Variants in PCDHGB6 observed in about 807,000 individuals in gnomAD.
PCDHGB6 encodes protocadherin gamma subfamily B, 6, also known as protocadherin gamma-B6.
Under a neutral mutation model 59.1 loss-of-function variants are expected in PCDHGB6, and 51 were observed. The ratio of observed to expected loss-of-function variants is 0.86; its 90% confidence interval spans 0.69 to 1.09. The LOEUF (loss-of-function observed/expected upper bound fraction) is 1.09, where lower values mean the gene tolerates loss of function less well. PCDHGB6 is among the 50% of genes least tolerant of loss of function. The pLI is 0.00. For missense variants in PCDHGB6, 1,148 were observed against 1,205.1 expected, an observed-to-expected ratio of 0.95 and a Z score of 0.70; for synonymous variants, 466 against 495.1, an observed-to-expected ratio of 0.94 and a Z score of 0.78.
Position 141,485,598 on chromosome 5 carries a change from T to C in PCDHGB6, c.2419-9209T>C, listed in dbSNP as rs931717579. 25 of 1,612,028 alleles carry C rather than the reference T, an allele frequency of 1.6e-5. No individual in the cohort carries two copies. Among genetic ancestry groups the C allele is most frequent in the African/African-American group, 2.7e-5 (2 of 74,838 alleles). ...CCGCGGCAGCAGCTGGACTTGGAAA[T>C]TGGGGAGGCAGCTCCTCCAGGACAG... On this transcript the variant is annotated intron_variant, in intron 1 of 3. Transcript: ENST00000520790. This position sits in a 1 kb window ranked among gnomAD's most constrained non-coding sequence, Gnocchi z 5.7.
In PCDHGB6 at chr5:141,490,803, C is replaced by A; in HGVS notation, c.2419-4004C>A. The A allele has an allele frequency of 6.2e-7, 1 of 1,613,956 alleles. No homozygotes were observed. Among genetic ancestry groups the A allele is most frequent in the South Asian group, 1.1e-5 (1 of 91,080 alleles). On this transcript the variant is annotated intron_variant, in intron 1 of 3. Transcript: ENST00000520790. The surrounding 1 kb of genome is among the most constrained non-coding windows in gnomAD (Gnocchi z 5.4). ...ATGGACGGATCTTTGCCCAGCGTAC[C>A]TTTGACTATGAATTGCTGCAGATGC...
At chr5:141,419,635 G>A in intron 1 of PCDHGB6, 1 of 1,612,480 alleles carries the variant, frequency 6.2e-7, no homozygotes, top group African/African-American at 1.3e-5. Flanking sequence ...CCAAGGTGGT[G>A]GCCGTGGACG....
chr5:141,490,288 G>A lies in PCDHGB6; in HGVS notation c.2419-4519G>A. On this transcript the variant is annotated intron_variant, in intron 1 of 3. Coordinates refer to ENST00000520790, the MANE Select transcript of PCDHGB6 (RefSeq NM_018926.3). The surrounding 1 kb of genome is among the most constrained non-coding windows in gnomAD (Gnocchi z 5.4). ...GGATGTCAATGACAATGCCCCAGAG[G>A]TGCTATTGGCCTCTTTGGCCAACCC... The A allele has an allele frequency of 3.7e-6, 6 of 1,614,198 alleles. No individual in the cohort carries two copies. The highest frequency in any genetic ancestry group is 5.1e-6 in the Non-Finnish European group (6 of 1,180,042).
rs1456184444 is a variant in PCDHGB6, at chr5:141,512,578, C to T, written c.*1405C>T. On this transcript the variant is annotated 3_prime_UTR_variant, in exon 4 of 4. Coordinates refer to ENST00000520790, the MANE Select transcript of PCDHGB6 (RefSeq NM_018926.3). ...ATAGACCTTCTTCTCCCACCCCCTT[C>T]TGCCCCTGGGTCCCCGGCCATCCAG... is the stretch of plus-strand genomic sequence containing the variant. 1 of 152,944 alleles carries T rather than the reference C, an allele frequency of 6.5e-6. No homozygotes were observed. The highest frequency in any genetic ancestry group is 1.5e-5 in the Non-Finnish European group (1 of 68,542). 9.5% of individuals were successfully genotyped at this position (152,944 alleles called of 1,614,324 possible). A position where few individuals can be genotyped will look rare whatever the true frequency, so the allele number is the denominator to read the frequency against.
chr5:141,493,140 C>T lies in PCDHGB6; in HGVS notation c.2419-1667C>T, dbSNP rs2099746336. Among the ~76,000 whole-genome samples, 1 of 146,374 alleles carries T rather than the reference C, an allele frequency of 6.8e-6. No homozygotes were observed. Among genetic ancestry groups the T allele is most frequent in the African/African-American group, 2.5e-5 (1 of 40,746 alleles). ...GCTCCTAGGACTGTATTTTGAAACACCCCCAGGTGATTTTGATAGCTGATT... is the reference window on the plus strand; with the variant it reads ...GCTCCTAGGACTGTATTTTGAAACATCCCCAGGTGATTTTGATAGCTGATT... On this transcript the variant is annotated intron_variant, in intron 1 of 3. Transcript: ENST00000520790. This position sits in a 1 kb window ranked among gnomAD's most constrained non-coding sequence, Gnocchi z 4.3.
chr5:141,431,921 G>A lies in PCDHGB6; in HGVS notation c.2418+21301G>A. The A allele has an allele frequency of 1.9e-6, 3 of 1,614,142 alleles. No homozygotes were observed. Among genetic ancestry groups the A allele is most frequent in the South Asian group, 2.2e-5 (2 of 91,084 alleles). On this transcript the variant is annotated intron_variant, in intron 1 of 3. Transcript: ENST00000520790. The surrounding 1 kb of genome is among the most constrained non-coding windows in gnomAD (Gnocchi z 4.8). ...CGGACAGGTGATCTGTTTCATCCAA[G>A]GAAATCTGCCCTTTAAATTAGAAAA...
At chr5:141,447,636 T>C (rs772671166) in intron 1 of PCDHGB6, among the ~76,000 whole-genome samples, 49 of 152,136 alleles carry the variant, frequency 3.2e-4, no homozygotes, top group Non-Finnish European at 5.3e-4. Context: ...ACAGTATGAA[T>C]GATGGTAGAA....
chr5:141,431,678 T>G lies in PCDHGB6; in HGVS notation c.2418+21058T>G. The G allele has an allele frequency of 6.2e-7, 1 of 1,614,084 alleles. No homozygotes were observed. Among genetic ancestry groups the G allele is most frequent in the Non-Finnish European group, 8.5e-7 (1 of 1,180,022 alleles). On this transcript the variant is annotated intron_variant, in intron 1 of 3. Transcript: ENST00000520790. This position sits in a 1 kb window ranked among gnomAD's most constrained non-coding sequence, Gnocchi z 4.8. ...AGGGACAATATCAACAATAGGGGAGTTGGACCACGAGGAGTCAGGATTCTA... is the reference window on the plus strand; with the variant it reads ...AGGGACAATATCAACAATAGGGGAGGTGGACCACGAGGAGTCAGGATTCTA...
chr5:141,420,229 C>A (rs1206296211), intron 1 of PCDHGB6: 1 of 1,600,344 alleles, frequency 6.2e-7, no homozygotes, highest in South Asian at 1.1e-5. Flanking sequence ...TACTGGCTAG[C>A]ATTTTAACTC....
chr5:141,421,562 A>G (rs1326874908), intron 1 of PCDHGB6: 1 of 1,613,992 alleles, frequency 6.2e-7, no homozygotes, highest in South Asian at 1.1e-5. Context: ...CTTCTCGTGG[A>G]AGACACCTTG....
At chr5:141,423,754 GGGGGGGT>G in intron 1 of PCDHGB6, 1 of 577,826 alleles carries the variant, frequency 1.7e-6, no homozygotes, top group Non-Finnish European at 2.2e-6. Flanking sequence ...ACTGTTTGGG[GGGGGGGT>G]GGGGCGGCAT....
intron 1 of PCDHGB6, chr5:141,415,791 C>CTTT: frequency 1.5e-6 from 2 of 1,341,938 alleles, no homozygotes; most frequent in Non-Finnish European, 1.9e-6. Flanking sequence ...GTAAAATTCA[C>CTTT]CTAGTCTCAA....
At chr5:141,464,657 T>G (rs575409062) in intron 1 of PCDHGB6, among the ~76,000 whole-genome samples, 1 of 152,312 alleles carries the variant, frequency 6.6e-6, no homozygotes, top group South Asian at 2.1e-4. Context: ...GGTAAAAAGA[T>G]ATCTCCAAAT....
chr5:141,419,999 C>T (rs369649545), intron 1 of PCDHGB6: 4 of 1,613,960 alleles, frequency 2.5e-6, no homozygotes, highest in Non-Finnish European at 3.4e-6. Flanking sequence ...TATTGCTCTA[C>T]GCCTGCGACA....
intron 1 of PCDHGB6, chr5:141,471,553 TG>T (rs1217142933): frequency 6.6e-6 from 1 of 152,224 alleles, no homozygotes; most frequent in African/African-American, 2.4e-5. Flanking sequence ...AAGGTTGCTT[TG>T]ACTCAGGGGT....
At chr5:141,471,215 A>G (rs1562030197) in intron 1 of PCDHGB6, 1 of 149,038 alleles carries the variant, frequency 6.7e-6, no homozygotes, top group Non-Finnish European at 1.5e-5. Context: ...ATGCCTGGCA[A>G]TTTTTTTGTA....
At chr5:141,433,181 G>T (rs199507607) in intron 1 of PCDHGB6, 45 of 1,607,620 alleles carry the variant, frequency 2.8e-5, no homozygotes, top group Non-Finnish European at 3.4e-5. Context: ...TGGGTTAATT[G>T]AGGTGAGTTT....
chr5:141,487,403 C>T lies in PCDHGB6; in HGVS notation c.2419-7404C>T. 1 of 1,614,140 alleles carries T rather than the reference C, an allele frequency of 6.2e-7. No homozygotes were observed. Among genetic ancestry groups the T allele is most frequent in the South Asian group, 1.1e-5 (1 of 91,082 alleles). ...CAGATCTCGAAGGAGGGAGGGGCTTCCCCCTTCCAATGGGATCCTCCGAAT... is the reference window on the plus strand; with the variant it reads ...CAGATCTCGAAGGAGGGAGGGGCTTTCCCCTTCCAATGGGATCCTCCGAAT... On this transcript the variant is annotated intron_variant, in intron 1 of 3. Coordinates refer to ENST00000520790, the MANE Select transcript of PCDHGB6 (RefSeq NM_018926.3). The surrounding 1 kb of genome is among the most constrained non-coding windows in gnomAD (Gnocchi z 5.0).
intron 1 of PCDHGB6, among the ~76,000 whole-genome samples, chr5:141,443,537 T>C (rs986467958): frequency 6.6e-6 from 1 of 152,180 alleles, no homozygotes; most frequent in African/African-American, 2.4e-5. Flanking sequence ...ATTTAAAGCT[T>C]GGGAAATTGT....
Sources: gnomAD v4.1 joint callset for allele counts (sites outside exome capture counted in the v4.1 genomes callset) on GRCh38, gnomAD v4.1.1 for gene constraint, Gnocchi (gnomAD v3.1) non-coding constraint, MANE v1.5 for transcripts, NCBI Gene and HGNC (gene_info 2026-07-23, HGNC 2026-07-21) for gene names.